The following NOTCH1 variants were observed in gnomAD, a reference collection of about 807,000 sequenced individuals.
The protein encoded by NOTCH1 is notch receptor 1, also known as neurogenic locus notch homolog protein 1.
A neutral mutation model predicts 254.8 loss-of-function variants in NOTCH1; 37 were observed. The observed-to-expected ratio is 0.15, with a 90% CI of 0.11 to 0.19. NOTCH1 has a LOEUF of 0.19. Ranked by LOEUF, NOTCH1 falls within the 10% of genes least tolerant of loss-of-function variation. The pLI is 1.00. For missense variants in NOTCH1, 2,972 were observed against 3,708.6 expected (o/e 0.80, Z 5.16); for synonymous variants, 1,731 against 1,618.1 (o/e 1.07, Z -1.68).
chr9:136,510,842 C>A (rs1307210741), intron 16 of NOTCH1, 37 bp from the exon 17 acceptor site: 1 of 1,603,120 alleles, frequency 6.2e-7, no homozygotes, highest in South Asian at 1.1e-5. Flanking sequence ...TCACCAGCGG[C>A]CCCTGGCCCT....
At position 136,518,054 on chromosome 9, in the gene NOTCH1, CCT is replaced by C. The variant is rs1379030980; in HGVS notation, c.1255+81_1255+82del. ...CCATCCCCCATCTAACTGGGCACCC[CCT>C]GAAGCCAGAATCGACTTCTCATCGG... On this transcript the variant is annotated intron_variant, in intron 7 of 33. Coordinates refer to ENST00000651671, the MANE Select transcript of NOTCH1 (RefSeq NM_017617.5). The C allele has an allele frequency of 3.0e-5, 46 of 1,553,118 alleles. No individual in the cohort carries two copies. The Middle Eastern group carries it at 1.4e-3, about 48-fold the overall frequency.
In NOTCH1 at chr9:136,523,729, G is replaced by A. The variant is rs1440604489; in HGVS notation, c.391C>T (p.Pro131Ser). The A allele has an allele frequency of 6.2e-7, 1 of 1,607,658 alleles. No individual in the cohort carries two copies. The highest frequency in any genetic ancestry group is 8.5e-7 in the Non-Finnish European group (1 of 1,178,566). ...GGTCCTCCCTCACCTGACCAGCCGG[G>A]CGGGCAGCGGCACTTGTACTCCGTC... ...TLTEYKCRCP[P>S]GWSGKSCQQA... The change falls in exon 3 of 34, where the codon CCC (proline) becomes TCC (serine). Residue 131 changes from proline to serine, a missense_variant. Transcript: ENST00000651671.
chr9:136,537,714 T>C (rs1209679028), intron 2 of NOTCH1, among the ~76,000 whole-genome samples: 2 of 152,288 alleles, frequency 1.3e-5, no homozygotes, highest in African/African-American at 4.8e-5. Flanking sequence ...GAGGATCGCT[T>C]GAGCCCAGGA....
Position 136,496,609 on chromosome 9 carries a change from G to T in NOTCH1, c.7130C>A (p.Pro2377His). 1 of 1,613,044 alleles carries T rather than the reference G, an allele frequency of 6.2e-7. No individual in the cohort carries two copies. Among genetic ancestry groups the T allele is most frequent in the South Asian group, 1.1e-5 (1 of 91,088 alleles). The change falls in exon 34 of 34, where the codon CCT becomes CAT. Residue 2377 changes from proline to histidine, a missense_variant. Transcript: ENST00000651671. ...CACCTGCTGGGTCTGCACCAGGTGA[G>T]GCTGGGTGGCCAGCCGGGTGCTGGG... is the stretch of plus-strand genomic sequence containing the variant. ...GLPSTRLATQ[P>H]HLVQTQQVQP... is the part of the protein sequence containing the mutation.
chr9:136,509,357 G>A (rs1415684995), intron 18 of NOTCH1, among the ~76,000 whole-genome samples: 1 of 152,224 alleles, frequency 6.6e-6, no homozygotes, highest in Non-Finnish European at 1.5e-5. Flanking sequence ...GGAGAAACCA[G>A]AAACCGTCCT....
intron 2 of NOTCH1, among the ~76,000 whole-genome samples, chr9:136,531,955 C>T (rs780771820): frequency 1.7e-4 from 26 of 152,232 alleles, no homozygotes; most frequent in Non-Finnish European, 2.8e-4. Context: ...CTCGGAACAC[C>T]GCTCGCCTGC....
intron 17 of NOTCH1, 173 bp downstream of exon 17, chr9:136,510,480 C>T (rs1340459740): frequency 1.2e-6 from 1 of 860,004 alleles, no homozygotes; most frequent in East Asian, 2.7e-5. Context: ...CTGGGGCCCT[C>T]CTGAACCACC....
intron 15 of NOTCH1, among the ~76,000 whole-genome samples, chr9:136,512,203 A>G (rs1033853845): frequency 1.3e-5 from 2 of 152,186 alleles, no homozygotes; most frequent in Non-Finnish European, 2.9e-5. Context: ...GAGGGTCCTC[A>G]CTGACTGACA....
In NOTCH1 at chr9:136,545,105, C is replaced by A. The variant is rs1843794124; in HGVS notation, c.61+621G>T. Among the ~76,000 whole-genome samples the A allele has an allele frequency of 6.6e-6, 1 of 152,190 alleles. No homozygotes were observed. The highest frequency in any genetic ancestry group is 1.9e-4 in the East Asian group (1 of 5,154). On this transcript the variant is annotated intron_variant, in intron 1 of 33. Coordinates refer to ENST00000651671, the MANE Select transcript of NOTCH1 (RefSeq NM_017617.5). This position sits in a 1 kb window ranked among gnomAD's most constrained non-coding sequence, Gnocchi z 6.8. ...CTTTCCAAACTTCAACTCCGCAAAG[C>A]AAAAGGAAAGTTCAGTCCCCCCGGG...
rs760524179 is a variant in NOTCH1 at position 136,497,229 on chromosome 9, G to A, written c.6510C>T (p.Ser2170=). The A allele has an allele frequency of 3.1e-6, 5 of 1,612,620 alleles. No homozygotes were observed. The South Asian group carries it at 5.5e-5, about 18-fold the overall frequency. The change falls in exon 34 of 34, where the codon AGC becomes AGT. Residue 2170 remains serine (S), a synonymous_variant. Transcript: ENST00000651671. ...GTGCCTTGAGGTCCTTGGCCTCCTT[G>A]CTTCCACAGGCCAGGCCTTTGCTGC... is the stretch of plus-strand genomic sequence containing the variant. ...KPSSKGLACG[S]KEAKDLKARR... is the part of the protein sequence containing the mutation.
In NOTCH1 at chr9:136,508,058, C is replaced by A. The variant is rs1394605454; in HGVS notation, c.3407G>T (p.Gly1136Val). ...GNTHHCRCQA[G>V]YTGSYCEDLV... is the part of the protein sequence containing the mutation. ...GTCCTCACAGTAGCTGCCTGTGTAGCCCGCCTGGCAGCGGCAGTGGTGCGT... is the reference window on the plus strand; with the variant it reads ...GTCCTCACAGTAGCTGCCTGTGTAGACCGCCTGGCAGCGGCAGTGGTGCGT... The change falls in exon 21 of 34, where the codon GGC (glycine) becomes GTC (valine). Residue 1136 changes from glycine to valine, a missense_variant. By Grantham distance (109) the Gly-to-Val change is moderately radical (BLOSUM62 -3). Around this residue, in one of 8 missense-constraint regions of NOTCH1, gnomAD observed 1,343 missense variants for 1,557.0 expected, o/e 0.86. Coordinates refer to ENST00000651671, the MANE Select transcript of NOTCH1 (RefSeq NM_017617.5). 1 of 1,611,596 alleles carries A rather than the reference C, an allele frequency of 6.2e-7. No individual in the cohort carries two copies. Among genetic ancestry groups the A allele is most frequent in the Non-Finnish European group, 8.5e-7 (1 of 1,179,992 alleles).
chr9:136,495,265 C>T lies in NOTCH1; in HGVS notation c.*806G>A, dbSNP rs547283089. ...ATGCATGATGCCTACATTTCAAGAA[C>T]GGGCAGGGGGCCGGGGTGGTTCTGG... On this transcript the variant is annotated 3_prime_UTR_variant, in exon 34 of 34. Coordinates refer to ENST00000651671, the MANE Select transcript of NOTCH1 (RefSeq NM_017617.5). The T allele has an allele frequency of 1.0e-5, 4 of 399,006 alleles. No homozygotes were observed. Among genetic ancestry groups the T allele is most frequent in the South Asian group, 1.3e-4 (1 of 7,864 alleles). The allele number at this position is 399,006 out of a possible 1,614,324, so 24.7% of individuals were successfully genotyped here. A position where few individuals can be genotyped will look rare whatever the true frequency, so the allele number is the denominator to read the frequency against.
At position 136,499,262 on chromosome 9, in the gene NOTCH1, G is replaced by A. The variant is rs751824689; in HGVS notation, c.5935-3C>T. 1.1e-5 allele frequency: 18 copies of A among 1,612,234 alleles called. No individual in the cohort carries two copies. In the East Asian group the frequency reaches 4.0e-4, roughly 36 times the overall value. The stretch of plus-strand genomic sequence containing the variant: ...GTGGCTCGGTTCCGGATCAGGATCT[G>A]GGCAACAGGGAGAGGCTCAGGCGGG... On this transcript the variant is annotated splice_region_variant and splice_polypyrimidine_tract_variant and intron_variant, in intron 31 of 33. Transcript: ENST00000651671.
rs972658026 is a variant in NOTCH1, at chr9:136,496,924, C to T, written c.6815G>A (p.Arg2272His). The change falls in exon 34 of 34, where the codon CGT becomes CAT. Residue 2272 changes from arginine to histidine, a missense_variant. This residue lies in a region of NOTCH1 where 529 missense variants were observed against 529.2 expected (regional missense o/e 1.00). Coordinates refer to ENST00000651671, the MANE Select transcript of NOTCH1 (RefSeq NM_017617.5). The stretch of plus-strand genomic sequence containing the variant: ...AGAGGCCACAGGCAGGTGGGAGAGA[C>T]GAGGTGGGCCAGTCTCAAAGGCCAG... ...GRLAFETGPP[R>H]LSHLPVASGT... 9.3e-6 allele frequency: 15 copies of T among 1,612,166 alleles called. No homozygotes were observed. The African/African-American group carries it at 9.3e-5, about 10-fold the overall frequency.
chr9:136,541,382 C>T (rs908994689), intron 2 of NOTCH1, among the ~76,000 whole-genome samples: 1 of 152,206 alleles, frequency 6.6e-6, no homozygotes, highest in Non-Finnish European at 1.5e-5. Flanking sequence ...GGCACTGTGA[C>T]GCCCATCATG....
rs551869048 is a variant in NOTCH1 at position 136,509,679 on chromosome 9, C to A, written c.2969+54G>T. The stretch of plus-strand genomic sequence containing the variant: ...TGGTGTGCCAGGCTGCCAGCTACTG[C>A]GTGTGGCCCGCACCGCCCGTTCCCT... On this transcript the variant is annotated intron_variant, in intron 18 of 33. Transcript: ENST00000651671. The A allele has an allele frequency of 2.7e-5, 42 of 1,533,784 alleles. No homozygotes were observed. In the African/African-American group the frequency reaches 4.9e-4, roughly 18 times the overall value.
chr9:136,500,684 C>T lies in NOTCH1; in HGVS notation c.5802G>A (p.Leu1934=), dbSNP rs2133326073. 6.2e-7 allele frequency: 1 copy of T among 1,611,236 alleles called. No individual in the cohort carries two copies. Among genetic ancestry groups the T allele is most frequent in the Non-Finnish European group, 8.5e-7 (1 of 1,179,918 alleles). The change falls in exon 31 of 34, where the codon CTG becomes CTA. Residue 1934 remains leucine, a synonymous_variant. Coordinates refer to ENST00000651671, the MANE Select transcript of NOTCH1 (RefSeq NM_017617.5). The part of the protein sequence containing the change: ...TDRTGETALH[L]AARYSRSDAA... ...CATCAGAGCGTGAGTAGCGGGCGGC[C>T]AGGTGCAAGGCGGTCTCGCCCGTGC... is the stretch of plus-strand genomic sequence containing the variant.
chr9:136,496,546 T>G lies in NOTCH1; in HGVS notation c.7193A>C (p.Gln2398Pro). The stretch of plus-strand genomic sequence containing the variant: ...TTGCTGCTGCTGGATGTTTGCTGGC[T>G]GCAGGTTCTGCTGCTGCATCTGTAA... ...QNLQMQQQNLQPANIQQQQSL... is the reference protein window; with the variant it reads ...QNLQMQQQNLPPANIQQQQSL... Residue 2398 changes from glutamine (Q) to proline (P), a missense_variant, in exon 34 of 34, where the codon CAG becomes CCG. Coordinates refer to ENST00000651671, the MANE Select transcript of NOTCH1 (RefSeq NM_017617.5). The G allele has an allele frequency of 6.2e-7, 1 of 1,609,278 alleles. No homozygotes were observed. The highest frequency in any genetic ancestry group is 2.2e-5 in the East Asian group (1 of 44,886).
At position 136,536,032 on chromosome 9, in the gene NOTCH1, A is replaced by C. The variant is rs546161615; in HGVS notation, c.140+7992T>G. ...GATCCCTCCCAGGAGCAACGGGTACAGGGTAGGGGGGCGCACTGAGGACAC... is the reference window on the plus strand; with the variant it reads ...GATCCCTCCCAGGAGCAACGGGTACCGGGTAGGGGGGCGCACTGAGGACAC... On this transcript the variant is annotated intron_variant, in intron 2 of 33. Transcript: ENST00000651671. Among the ~76,000 whole-genome samples, 367 of 151,486 alleles carry C rather than the reference A, an allele frequency of 2.4e-3. 4 individuals are homozygous for C. The highest frequency in any genetic ancestry group is 8.4e-3 in the African/African-American group (345 of 41,178).
Sources: gnomAD v4.1 joint callset for allele counts (sites outside exome capture counted in the v4.1 genomes callset) on GRCh38, gnomAD v4.1.1 for gene constraint, gnomAD v4.1.1 regional missense constraint, Gnocchi (gnomAD v3.1) non-coding constraint, MANE v1.5 for transcripts, NCBI Gene and HGNC (gene_info 2026-07-23, HGNC 2026-07-21) for gene names.